The following C8orf74 variants were observed in gnomAD, a reference collection of about 807,000 sequenced individuals.
The protein encoded by C8orf74 is uncharacterized protein C8orf74.
Under a neutral mutation model 22.2 loss-of-function variants are expected in C8orf74, and 29 were observed. The observed-to-expected ratio is 1.31, with a 90% CI of 0.97 to 1.78. The LOEUF (loss-of-function observed/expected upper bound fraction) is 1.78. C8orf74 is among the 40% of genes most tolerant of loss of function. The pLI is 0.00. For synonymous variants in C8orf74, 255 were observed against 163.1 expected (o/e 1.56, Z -4.30); for missense variants, 515 against 369.9 (o/e 1.39, Z -3.22).
At chr8:10,693,786 C>T (rs571157639) in intron 2 of C8orf74, among the ~76,000 whole-genome samples, 53 of 152,306 alleles carry the variant, frequency 3.5e-4, no homozygotes, top group Middle Eastern at 3.4e-3. Context: ...ACCCTACGTC[C>T]GAGGACGGCC....
In C8orf74 at chr8:10,696,441, CTTTTT is replaced by C. The variant is rs546082377; in HGVS notation, c.242-1140_242-1136del. On this transcript the variant is annotated intron_variant, in intron 2 of 3. Coordinates refer to ENST00000304519, the MANE Select transcript of C8orf74 (RefSeq NM_001040032.2). ...TTTTTCTTTTCTTTTCTTTTCTTTT[CTTTTT>C]TTTTTTTTTTTTTTTTTGAGATGGA... Among the ~76,000 whole-genome samples the C allele has an allele frequency of 8.4e-3, 860 of 102,362 alleles. 11 individuals are homozygous for C. Among genetic ancestry groups the C allele is most frequent in the East Asian group, 0.07 (256 of 3,682 alleles). 67.2% of individuals were successfully genotyped at this position (102,362 alleles called of 152,430 possible).
chr8:10,697,226 C>CCTG (rs1201823487), intron 2 of C8orf74, among the ~76,000 whole-genome samples: 2 of 152,086 alleles, frequency 1.3e-5, no homozygotes, highest in Admixed American at 6.6e-5. Flanking sequence ...ATCGCTTGAG[C>CCTG]TCAGGAGTTC....
At position 10,693,691 on chromosome 8, in the gene C8orf74, A is replaced by G. The variant is rs372457022; in HGVS notation, c.242-3908A>G. On this transcript the variant is annotated intron_variant, in intron 2 of 3. Coordinates refer to ENST00000304519, the MANE Select transcript of C8orf74 (RefSeq NM_001040032.2). Reference sequence around the variant, plus strand: ...ATGTCAGACGTCAGCGTCTCATCATATGGTGTTCTCTCTGTTGGTAGGCCC... The same window carrying G: ...ATGTCAGACGTCAGCGTCTCATCATGTGGTGTTCTCTCTGTTGGTAGGCCC... Among the ~76,000 whole-genome samples, 27 of 152,214 alleles carry G rather than the reference A, an allele frequency of 1.8e-4. 1 individual carries two copies. In the South Asian group the frequency reaches 3.9e-3, roughly 22 times the overall value.
At chr8:10,674,931 T>G (rs116324751) in intron 2 of C8orf74, 93 bp downstream of exon 2, 18,558 of 1,118,062 alleles carry the variant, frequency 0.017, 1,043 homozygotes, top group African/African-American at 0.16. Flanking sequence ...CCAGCAGCCT[T>G]GGAGGAGCCA....
At chr8:10,685,643 G>C (rs542262298) in intron 2 of C8orf74, among the ~76,000 whole-genome samples, 2 of 152,312 alleles carry the variant, frequency 1.3e-5, no homozygotes, top group South Asian at 2.1e-4. Flanking sequence ...CCAGGAGGAG[G>C]GGGAGTGGGG....
At chr8:10,677,094 C>T (rs533826363) in intron 2 of C8orf74, among the ~76,000 whole-genome samples, 1 of 152,262 alleles carries the variant, frequency 6.6e-6, no homozygotes, top group South Asian at 2.1e-4. Context: ...ACTCCTCTCC[C>T]TGACTGCAGG....
chr8:10,696,069 T>C (rs1445959264), intron 2 of C8orf74, among the ~76,000 whole-genome samples: 1 of 152,146 alleles, frequency 6.6e-6, no homozygotes, highest in Non-Finnish European at 1.5e-5. Flanking sequence ...TTGACTTGCC[T>C]ATCTCTCTGC....
At position 10,697,763 on chromosome 8, in the gene C8orf74, G is replaced by T; in HGVS notation, c.406G>T (p.Asp136Tyr). The change falls in exon 3 of 4, where the codon GAC (aspartate) becomes TAC (tyrosine). Residue 136 changes from aspartate to tyrosine, a missense_variant. Coordinates refer to ENST00000304519, the MANE Select transcript of C8orf74 (RefSeq NM_001040032.2). The stretch of plus-strand genomic sequence containing the variant: ...TGTCCTGGGCCAGGACCAGCAGGTC[G>T]ACCTGACCGTTGCCCACCTGGAGGT... ...QYVLGQDQQV[D>Y]LTVAHLEVCM... The T allele has an allele frequency of 6.2e-7, 1 of 1,614,046 alleles. No homozygotes were observed. Among genetic ancestry groups the T allele is most frequent in the Non-Finnish European group, 8.5e-7 (1 of 1,179,902 alleles).
chr8:10,691,734 C>G lies in C8orf74; in HGVS notation c.242-5865C>G, dbSNP rs886076553. Reference sequence around the variant, plus strand: ...ACGTCTGGCCTCAGTACCTCTCCACCAGGTTCTTAACCCCAAGGAATTTGA... The same window carrying G: ...ACGTCTGGCCTCAGTACCTCTCCACGAGGTTCTTAACCCCAAGGAATTTGA... On this transcript the variant is annotated intron_variant, in intron 2 of 3. Transcript: ENST00000304519. The G allele has an allele frequency of 6.6e-5, 10 of 152,328 alleles. 1 individual carries two copies. Among genetic ancestry groups the G allele is most frequent in the African/African-American group, 2.4e-4 (10 of 41,472 alleles). 9.4% of individuals were successfully genotyped at this position (152,328 alleles called of 1,614,324 possible). A position where few individuals can be genotyped will look rare whatever the true frequency, so the allele number is the denominator to read the frequency against.
At chr8:10,672,958 G>A (rs541064064) in intron 1 of C8orf74, among the ~76,000 whole-genome samples, 29 of 152,312 alleles carry the variant, frequency 1.9e-4, no homozygotes, top group African/African-American at 7.0e-4. Flanking sequence ...TGCCTGAAGG[G>A]AAGTGAGGGA....
chr8:10,683,247 C>A (rs1448102527), intron 2 of C8orf74, among the ~76,000 whole-genome samples: 1 of 152,226 alleles, frequency 6.6e-6, no homozygotes, highest in Non-Finnish European at 1.5e-5. Flanking sequence ...CTGGCCCCAG[C>A]AGGAAGGCTC....
At chr8:10,698,035 G>C in intron 3 of C8orf74, 30 bp downstream of exon 3, 1 of 1,444,512 alleles carries the variant, frequency 6.9e-7, no homozygotes, top group Non-Finnish European at 9.1e-7. Context: ...CCGTGGGTGG[G>C]CACCTGGGCC....
chr8:10,697,920 C>T lies in C8orf74; in HGVS notation c.563C>T (p.Ala188Val), dbSNP rs544932921. 3.8e-6 allele frequency: 6 copies of T among 1,599,884 alleles called. No homozygotes were observed. The highest frequency in any genetic ancestry group is 2.2e-5 in the South Asian group (2 of 90,276). ...KRADVLLLKE[A>V]LRLERENSLQ... The stretch of plus-strand genomic sequence containing the variant: ...GCCGACGTGCTGCTCCTGAAAGAGG[C>T]GCTGCGCCTGGAGCGGGAGAACTCG... The change falls in exon 3 of 4, where the codon GCG becomes GTG. Residue 188 changes from alanine (A) to valine (V), a missense_variant. By Grantham distance (64) the Ala-to-Val change is moderately conservative. Coordinates refer to ENST00000304519, the MANE Select transcript of C8orf74 (RefSeq NM_001040032.2).
intron 2 of C8orf74, among the ~76,000 whole-genome samples, chr8:10,688,064 G>C (rs1446051637): frequency 2.6e-5 from 4 of 152,010 alleles, no homozygotes; most frequent in African/African-American, 9.7e-5. Flanking sequence ...AATTAGCCAG[G>C]CGTGGTAGTG....
intron 2 of C8orf74, among the ~76,000 whole-genome samples, chr8:10,696,222 A>G (rs953067996): frequency 6.6e-6 from 1 of 151,932 alleles, no homozygotes; most frequent in Non-Finnish European, 1.5e-5. Flanking sequence ...AAGAGTCGTG[A>G]GCAGGAGGAG....
chr8:10,680,935 G>C (rs980627520), intron 2 of C8orf74, among the ~76,000 whole-genome samples: 2 of 152,226 alleles, frequency 1.3e-5, no homozygotes, highest in South Asian at 2.1e-4. Context: ...TCCTCTGTCT[G>C]TTTTGGCTAA....
intron 2 of C8orf74, among the ~76,000 whole-genome samples, 192 bp from the exon 3 acceptor site, chr8:10,697,407 C>T (rs1026339480): frequency 6.6e-6 from 1 of 152,130 alleles, no homozygotes; most frequent in African/African-American, 2.4e-5. Flanking sequence ...GCTACGATTG[C>T]ACCACTGCAC....
chr8:10,686,065 T>C (rs1418281147), intron 2 of C8orf74, among the ~76,000 whole-genome samples: 6 of 152,150 alleles, frequency 3.9e-5, no homozygotes, highest in African/African-American at 7.2e-5. Flanking sequence ...CGAGACTCCA[T>C]CTCAAAAAGA....
At chr8:10,697,079 T>G (rs1799534181) in intron 2 of C8orf74, among the ~76,000 whole-genome samples, 2 of 152,102 alleles carry the variant, frequency 1.3e-5, no homozygotes, top group Non-Finnish European at 2.9e-5. Context: ...TAAGTGTAAG[T>G]TACTGCAAGT....
Sources: gnomAD v4.1 joint callset for allele counts (sites outside exome capture counted in the v4.1 genomes callset) on GRCh38, gnomAD v4.1.1 for gene constraint, MANE v1.5 for transcripts, NCBI Gene and HGNC (gene_info 2026-07-23, HGNC 2026-07-21) for gene names.